The following DNAH11 variants were observed in gnomAD, a reference collection of about 807,000 sequenced individuals.
DNAH11 encodes the protein dynein axonemal heavy chain 11, also known as axonemal beta dynein heavy chain 11.
In DNAH11, 442 loss-of-function variants were observed where a neutral mutation model predicts 526.0. The observed-to-expected ratio is 0.84, with a 90% CI of 0.78 to 0.91. The LOEUF (loss-of-function observed/expected upper bound fraction) is 0.91, where lower values mean the gene tolerates loss of function less well. Ranked by LOEUF, DNAH11 falls within the 40% of genes least tolerant of loss-of-function variation. The probability of loss-of-function intolerance (pLI) is 0.00; values close to 1 mark genes in which losing one functional copy is unlikely to be tolerated. For missense variants in DNAH11, 6,989 were observed against 5,448.7 expected (o/e 1.28, Z -8.90); for synonymous variants, 2,461 against 1,935.9 (o/e 1.27, Z -7.12).
chr7:21,666,255 C>T (rs1321967951), intron 30 of DNAH11, among the ~76,000 whole-genome samples: 1 of 151,362 alleles, frequency 6.6e-6, no homozygotes, highest in Non-Finnish European at 1.5e-5. Context: ...TATATCGCTG[C>T]CTTGTCAGAG....
At chr7:21,624,268 C>T (rs1786223614) in intron 25 of DNAH11, among the ~76,000 whole-genome samples, 1 of 152,078 alleles carries the variant, frequency 6.6e-6, no homozygotes, top group African/African-American at 2.4e-5. Context: ...TTTTAGTATA[C>T]AGATATTTCA....
At chr7:21,604,586 G>C (rs986631628) in intron 18 of DNAH11, among the ~76,000 whole-genome samples, 1 of 152,088 alleles carries the variant, frequency 6.6e-6, no homozygotes, top group African/African-American at 2.4e-5. Flanking sequence ...TAGTCATTTC[G>C]TTGAGCCTCA....
chr7:21,806,130 A>G (rs946821113), intron 62 of DNAH11, among the ~76,000 whole-genome samples: 1 of 152,174 alleles, frequency 6.6e-6, no homozygotes, highest in Non-Finnish European at 1.5e-5. Flanking sequence ...CCAACTCTTA[A>G]ACCCTTGTTA....
rs1018956107 is a variant in DNAH11 at position 21,588,553 on chromosome 7, T to C, written c.1890T>C (p.Phe630=). The C allele has an allele frequency of 6.2e-7, 1 of 1,613,762 alleles. No individual in the cohort carries two copies. Residue 630 remains phenylalanine, a synonymous_variant, in exon 11 of 82, where the codon TTT becomes TTC. Transcript: ENST00000409508. The stretch of plus-strand genomic sequence containing the variant: ...TAGTTCTTAACAAGAACATGCCATT[T>C]ACCTCAGGAAATATGAAATGGGCCC... ...GHVVLNKNMP[F]TSGNMKWAQQ... is the part of the protein sequence containing the mutation.
chr7:21,606,806 A>T (rs1371239154), intron 20 of DNAH11, 73 bp downstream of exon 20: 4 of 1,256,486 alleles, frequency 3.2e-6, no homozygotes, highest in Non-Finnish European at 4.5e-6. Flanking sequence ...GACACAAAAT[A>T]CTGCCACATT....
chr7:21,546,748 C>T (rs1782819131), intron 2 of DNAH11, among the ~76,000 whole-genome samples: 1 of 152,126 alleles, frequency 6.6e-6, no homozygotes, highest in African/African-American at 2.4e-5. Flanking sequence ...ATTGTGAATG[C>T]TTACCAAGAC....
chr7:21,900,628 A>C (rs1784754775), intron 81 of DNAH11, among the ~76,000 whole-genome samples: 3 of 152,126 alleles, frequency 2.0e-5, no homozygotes, highest in African/African-American at 7.2e-5. Flanking sequence ...TTCCTTTTTC[A>C]GTTTAAAGCA....
intron 65 of DNAH11, among the ~76,000 whole-genome samples, chr7:21,837,997 C>G (rs549944831): frequency 7.9e-5 from 12 of 152,130 alleles, no homozygotes; most frequent in Non-Finnish European, 1.5e-4. Flanking sequence ...AAAAGTCAGT[C>G]ATACACATCC....
At chr7:21,791,398 G>C (rs1323741921) in intron 61 of DNAH11, among the ~76,000 whole-genome samples, 1 of 152,170 alleles carries the variant, frequency 6.6e-6, no homozygotes, top group East Asian at 1.9e-4. Context: ...TCAAGGACTA[G>C]ATATATGATC....
chr7:21,724,251 A>T (rs1784988849), intron 44 of DNAH11, among the ~76,000 whole-genome samples: 1 of 152,226 alleles, frequency 6.6e-6, no homozygotes, highest in East Asian at 1.9e-4. Context: ...AGGGTGAAGA[A>T]GTATCTTCTA....
intron 67 of DNAH11, among the ~76,000 whole-genome samples, chr7:21,853,695 A>C (rs1301104087): frequency 6.6e-6 from 1 of 152,142 alleles, no homozygotes; most frequent in Non-Finnish European, 1.5e-5. Flanking sequence ...GGTAAAACTG[A>C]TATGTTGGTT....
At chr7:21,700,141 A>G (rs1478262168) in intron 36 of DNAH11, among the ~76,000 whole-genome samples, 2 of 152,234 alleles carry the variant, frequency 1.3e-5, no homozygotes. Flanking sequence ...CATATAGCTA[A>G]CAAGGGATAA....
intron 76 of DNAH11, among the ~76,000 whole-genome samples, chr7:21,886,172 A>G (rs1287236494): frequency 6.6e-6 from 1 of 152,194 alleles, no homozygotes; most frequent in Non-Finnish European, 1.5e-5. Flanking sequence ...ATTTCACCTC[A>G]GAGAAGCATT....
chr7:21,828,785 T>C (rs1217041113), intron 65 of DNAH11, among the ~76,000 whole-genome samples: 1 of 148,458 alleles, frequency 6.7e-6, no homozygotes, highest in Admixed American at 6.8e-5. Flanking sequence ...TGCTGTACAA[T>C]GTTACCTGGA....
In DNAH11 at chr7:21,564,401, TGAA is replaced by T. The variant is rs752748339; in HGVS notation, c.1194+6_1194+8del. 2.1e-5 allele frequency: 33 copies of T among 1,603,920 alleles called. No homozygotes were observed. The highest frequency in any genetic ancestry group is 2.5e-5 in the Non-Finnish European group (29 of 1,174,228). On this transcript the variant is annotated splice_donor_5th_base_variant and intron_variant, in intron 6 of 81. Coordinates refer to ENST00000409508, the MANE Select transcript of DNAH11 (RefSeq NM_001277115.2). ...TTGTAATCTCTTCATTAACCAGGTA[TGAA>T]GCATCAAAAAACAGGAACAATAAGA...
intron 80 of DNAH11, among the ~76,000 whole-genome samples, 193 bp from the exon 81 acceptor site, chr7:21,899,787 A>ACTATCAT (rs201217532): frequency 1.3e-5 from 2 of 152,146 alleles, no homozygotes; most frequent in East Asian, 3.9e-4. Context: ...TTCCAATAAA[A>ACTATCAT]CTATCTACAG....
chr7:21,632,153 C>G (rs568600296), intron 25 of DNAH11, among the ~76,000 whole-genome samples: 73 of 152,176 alleles, frequency 4.8e-4, no homozygotes, highest in Non-Finnish European at 9.8e-4. Flanking sequence ...TCAGCCATGG[C>G]TGGAGTGGCT....
chr7:21,821,387 A>G (rs1790042292), intron 65 of DNAH11, among the ~76,000 whole-genome samples: 1 of 152,088 alleles, frequency 6.6e-6, no homozygotes, highest in Non-Finnish European at 1.5e-5. Context: ...ATCATGGTGG[A>G]TGTGATTATC....
At chr7:21,837,732 T>C (rs1782047121) in intron 65 of DNAH11, among the ~76,000 whole-genome samples, 1 of 152,156 alleles carries the variant, frequency 6.6e-6, no homozygotes, top group Non-Finnish European at 1.5e-5. Context: ...AATTCAGTGG[T>C]TTTTAGTTAG....
Sources: allele counts gnomAD v4.1 joint callset (sites outside exome capture counted in the v4.1 genomes callset), GRCh38; gene constraint gnomAD v4.1.1; transcripts MANE v1.5; gene names NCBI Gene and HGNC (gene_info 2026-07-23, HGNC 2026-07-21).